The following PITPNM2 variants were observed in gnomAD, a reference collection of about 807,000 sequenced individuals.
PITPNM2 encodes the protein membrane-associated phosphatidylinositol transfer protein 2.
PITPNM2 carries 35 observed loss-of-function variants against 132.2 expected under a neutral mutation model. The ratio of observed to expected loss-of-function variants is 0.26; its 90% CI spans 0.20 to 0.35. The LOEUF is 0.35. Ranked by LOEUF, PITPNM2 falls within the 10% of genes least tolerant of loss-of-function variation. PITPNM2 has a pLI of 1.00. For missense variants in PITPNM2, 1,332 were observed against 1,912.0 expected, an observed-to-expected ratio of 0.70 and a Z score of 5.66; for synonymous variants, 738 against 799.2, an observed-to-expected ratio of 0.92 and a Z score of 1.29.
chr12:123,029,585 C>CA (rs1255691486), intron 3 of PITPNM2, among the ~76,000 whole-genome samples: 2 of 151,988 alleles, frequency 1.3e-5, no homozygotes, highest in African/African-American at 4.8e-5. Flanking sequence ...GACTTCATCT[C>CA]AAAAAAACAG....
rs1307845683 is a variant in PITPNM2, at chr12:123,106,488, G to A, written c.-96+3897C>T. On this transcript the variant is annotated intron_variant, in intron 2 of 25. Coordinates refer to ENST00000320201, the MANE Select transcript of PITPNM2 (RefSeq NM_020845.3). The surrounding 1 kb of genome is among the most constrained non-coding windows in gnomAD (Gnocchi z 4.4). ...TCAGAGCAAACAAGGCAAATGCAGG[G>A]GTCAGTCCCCAGAGCTCCGGGGAAC... Among the ~76,000 whole-genome samples, 1 of 152,166 alleles carries A rather than the reference G, an allele frequency of 6.6e-6. No individual in the cohort carries two copies. The highest frequency in any genetic ancestry group is 2.4e-5 in the African/African-American group (1 of 41,442).
intron 3 of PITPNM2, among the ~76,000 whole-genome samples, chr12:123,033,570 CT>C (rs1392179021): frequency 6.6e-6 from 1 of 152,170 alleles, no homozygotes. Context: ...TCTGACACTG[CT>C]TTTTTGCAAG....
At chr12:123,014,569 G>A (rs2039348632) in intron 3 of PITPNM2, among the ~76,000 whole-genome samples, 1 of 152,126 alleles carries the variant, frequency 6.6e-6, no homozygotes, top group South Asian at 2.1e-4. Context: ...CCAGGCATGT[G>A]GCACATGCCT....
intron 2 of PITPNM2, chr12:123,089,386 G>C (rs1019805991): frequency 1.9e-4 from 29 of 152,126 alleles, no homozygotes; most frequent in Admixed American, 1.7e-3. Flanking sequence ...AGAAAGCTCT[G>C]GGTCACTCAA....
intron 16 of PITPNM2, chr12:122,991,902 G>C: frequency 7.6e-7 from 1 of 1,310,094 alleles, no homozygotes; most frequent in Non-Finnish European, 9.7e-7. Flanking sequence ...GTCTCGACTG[G>C]AGGCAGACGG....
chr12:123,045,200 CA>C (rs925929229), intron 2 of PITPNM2, among the ~76,000 whole-genome samples: 6 of 152,174 alleles, frequency 3.9e-5, no homozygotes, highest in Admixed American at 3.9e-4. Flanking sequence ...CATATATCTG[CA>C]AAACCAAAAC....
chr12:123,059,551 CT>C (rs1169367742), intron 2 of PITPNM2, among the ~76,000 whole-genome samples: 3 of 152,360 alleles, frequency 2.0e-5, no homozygotes, highest in African/African-American at 7.2e-5. Context: ...CCAGAACAAG[CT>C]TGACTGATTT....
chr12:123,055,920 A>G (rs893417271), intron 2 of PITPNM2, among the ~76,000 whole-genome samples: 1 of 152,030 alleles, frequency 6.6e-6, no homozygotes, highest in Non-Finnish European at 1.5e-5. Context: ...ACACACTTGC[A>G]AGATGTTAGT....
intron 3 of PITPNM2, among the ~76,000 whole-genome samples, chr12:123,030,151 A>G (rs974792994): frequency 6.6e-6 from 1 of 151,998 alleles, no homozygotes; most frequent in African/African-American, 2.4e-5. Context: ...GGGCAGAAGG[A>G]CCCTTGAGAT....
chr12:123,060,006 C>A (rs1202502923), intron 2 of PITPNM2, among the ~76,000 whole-genome samples: 2 of 152,164 alleles, frequency 1.3e-5, no homozygotes, highest in Non-Finnish European at 2.9e-5. Flanking sequence ...AAAGGTCAGG[C>A]AGAACTCCAA....
rs1404379330 is a variant in PITPNM2, at chr12:122,994,894, T to C, written c.2140A>G (p.Arg714Gly). The change falls in exon 15 of 26, where the codon AGG becomes GGG. Residue 714 changes from arginine (R) to glycine (G), a missense_variant. Arg to Gly is a moderately radical substitution (Grantham distance 125). Coordinates refer to ENST00000320201, the MANE Select transcript of PITPNM2 (RefSeq NM_020845.3). The surrounding 1 kb of genome is among the most constrained non-coding windows in gnomAD (Gnocchi z 5.4). ...TMLDGTGALGRFDFEITDLFL... is the reference protein window; with the variant it reads ...TMLDGTGALGGFDFEITDLFL... ...AGGTCGGTGATCTCAAAGTCAAACC[T>C]GCCCAGGGCACCTGTGCCATCCAGC... The C allele has an allele frequency of 3.7e-6, 6 of 1,612,368 alleles. No individual in the cohort carries two copies.
intron 2 of PITPNM2, among the ~76,000 whole-genome samples, chr12:123,066,516 G>A (rs2041421511): frequency 6.6e-6 from 1 of 152,146 alleles, no homozygotes; most frequent in African/African-American, 2.4e-5. Flanking sequence ...CAGCTGTTGG[G>A]GGTGGGGGCA....
At chr12:122,995,800 A>G in intron 13 of PITPNM2, 140 bp from the exon 14 acceptor site, 3 of 1,201,802 alleles carry the variant, frequency 2.5e-6, no homozygotes, top group Middle Eastern at 2.9e-4. Context: ...ACCAGAGGGG[A>G]GGGCCCCATT....
Position 123,012,650 on chromosome 12 carries a change from G to A in PITPNM2, c.378C>T (p.Phe126=). ...KTDAGENPDV[F]NLSPVEKNQL... ...GGTTCTTTTCCACAGGAGAGAGGTTGAACACGTCGGGGTTTTCTCCAGCAT... is the reference window on the plus strand; with the variant it reads ...GGTTCTTTTCCACAGGAGAGAGGTTAAACACGTCGGGGTTTTCTCCAGCAT... Residue 126 remains phenylalanine, a synonymous_variant, in exon 5 of 26, where the codon TTC becomes TTT. Transcript: ENST00000320201. 6.2e-7 allele frequency: 1 copy of A among 1,614,126 alleles called. No individual in the cohort carries two copies. The highest frequency in any genetic ancestry group is 8.5e-7 in the Non-Finnish European group (1 of 1,179,948).
At chr12:123,121,493 G>C (rs984208395) in intron 1 of PITPNM2, among the ~76,000 whole-genome samples, 1 of 151,982 alleles carries the variant, frequency 6.6e-6, no homozygotes, top group South Asian at 2.1e-4. Context: ...TTTTGTGTTT[G>C]TGGTTAAATA....
At position 122,997,540 on chromosome 12, in the gene PITPNM2, G is replaced by A; in HGVS notation, c.1257C>T (p.Pro419=). ...DEVSQPLAAP[P]SKIHVLLLVL... ...CCAGTAGCAGCACGTGGATCTTGGA[G>A]GGCGGTGCAGCCAGCGGCTGGCTAA... Residue 419 remains proline, a synonymous_variant, in exon 11 of 26, where the codon CCC becomes CCT. Transcript: ENST00000320201. 1 of 1,612,654 alleles carries A rather than the reference G, an allele frequency of 6.2e-7. No individual in the cohort carries two copies.
At chr12:123,057,198 C>T (rs1389331407) in intron 2 of PITPNM2, among the ~76,000 whole-genome samples, 2 of 151,326 alleles carry the variant, frequency 1.3e-5, no homozygotes, top group South Asian at 2.1e-4. Flanking sequence ...CTGACCAACA[C>T]GGAGAAACCC....
intron 2 of PITPNM2, among the ~76,000 whole-genome samples, chr12:123,053,417 T>G (rs2040924431): frequency 6.6e-6 from 1 of 152,204 alleles, no homozygotes; most frequent in Admixed American, 6.5e-5. Context: ...CTAACAGTTA[T>G]TTAGATTTTT....
chr12:123,141,199 A>T (rs1237361423), intron 1 of PITPNM2, among the ~76,000 whole-genome samples: 1 of 152,182 alleles, frequency 6.6e-6, no homozygotes, highest in South Asian at 2.1e-4. Context: ...CCCATCTGTG[A>T]GACACAAAAA....
Sources: gnomAD v4.1 joint callset for allele counts (sites outside exome capture counted in the v4.1 genomes callset) on GRCh38, gnomAD v4.1.1 for gene constraint, Gnocchi (gnomAD v3.1) non-coding constraint, MANE v1.5 for transcripts, NCBI Gene and HGNC (gene_info 2026-07-23, HGNC 2026-07-21) for gene names.